The following ALOXE3 variants were observed in gnomAD, a reference collection of about 807,000 sequenced individuals.
ALOXE3 encodes arachidonate epidermal lipoxygenase 3.
ALOXE3 carries 78 observed loss-of-function variants against 87.5 expected under a neutral mutation model. That is an observed-to-expected ratio of 0.89 (90% CI 0.74 to 1.08). The LOEUF is 1.08. Among genes scored for constraint, ALOXE3 ranks in the 50% least tolerant of loss-of-function variants. The pLI is 0.00. For missense variants in ALOXE3, 946 were observed against 912.4 expected, an observed-to-expected ratio of 1.04 and a Z score of -0.47; for synonymous variants, 363 against 370.8, an observed-to-expected ratio of 0.98 and a Z score of 0.24.
At chr17:8,113,810 T>C (rs1291135440) in intron 6 of ALOXE3, among the ~76,000 whole-genome samples, 1 of 152,168 alleles carries the variant, frequency 6.6e-6, no homozygotes, top group Admixed American at 6.5e-5. Flanking sequence ...ATGGATCACC[T>C]GAGGTCGGGA....
chr17:8,107,668 G>A (rs1368333170), intron 13 of ALOXE3, among the ~76,000 whole-genome samples: 1 of 151,018 alleles, frequency 6.6e-6, no homozygotes, highest in Non-Finnish European at 1.5e-5. Flanking sequence ...GCGTGGTGGC[G>A]GGTGCCTGTA....
In ALOXE3 at chr17:8,115,562, G is replaced by A. The variant is rs1386191671; in HGVS notation, c.434+45C>T. The A allele has an allele frequency of 5.8e-6, 9 of 1,547,238 alleles. No individual in the cohort carries two copies. The South Asian group carries it at 6.7e-5, about 12-fold the overall frequency. On this transcript the variant is annotated intron_variant, in intron 4 of 15. Coordinates refer to ENST00000448843, the MANE Select transcript of ALOXE3 (RefSeq NM_021628.3). ...TAGGAACAATCTGATTAAGACTGAG[G>A]TCAGGATAAAGATGGGGAAAGAAGT...
At chr17:8,111,070 G>A (rs61248509) in intron 8 of ALOXE3, among the ~76,000 whole-genome samples, 7,468 of 152,216 alleles carry the variant, frequency 0.049, 609 homozygotes, top group African/African-American at 0.17. Context: ...TCTTCAGGAG[G>A]CCTCAAAACA....
chr17:8,110,418 G>A lies in ALOXE3; in HGVS notation c.1068C>T (p.Ser356=), dbSNP rs546195258. The A allele has an allele frequency of 6.2e-7, 1 of 1,611,158 alleles. No individual in the cohort carries two copies. Among genetic ancestry groups the A allele is most frequent in the South Asian group, 1.1e-5 (1 of 90,820 alleles). Reference sequence around the variant, plus strand: ...CCAAGGGCACCAGCGCCCCCTGGGGGCTGAGCCACAGCAGGCACAGTGGGG... The same window carrying A: ...CCAAGGGCACCAGCGCCCCCTGGGGACTGAGCCACAGCAGGCACAGTGGGG... The part of the protein sequence containing the change: ...VAAPLCLLWL[S]PQGALVPLAI... Residue 356 remains serine, a synonymous_variant, in exon 9 of 16, where the codon AGC becomes AGT. Transcript: ENST00000448843.
In ALOXE3 at chr17:8,109,943, C is replaced by A; in HGVS notation, c.1365G>T (p.Leu455=). ...GGTCCACGAGGCCCTCGGGGTTGAG[C>A]AGCGTGGCCCTCGCGATGGTGTTCA... is the stretch of plus-strand genomic sequence containing the variant. ...LQVNTIARAT[L]LNPEGLVDQV... Residue 455 remains leucine, a synonymous_variant, in exon 11 of 16, where the codon CTG becomes CTT. Coordinates refer to ENST00000448843, the MANE Select transcript of ALOXE3 (RefSeq NM_021628.3). The A allele has an allele frequency of 6.4e-7, 1 of 1,551,136 alleles. No homozygotes were observed. Among genetic ancestry groups the A allele is most frequent in the Non-Finnish European group, 8.7e-7 (1 of 1,146,766 alleles).
intron 2 of ALOXE3, 123 bp downstream of exon 2, chr17:8,117,721 G>A (rs1021161475): frequency 2.6e-6 from 4 of 1,526,016 alleles, no homozygotes; most frequent in Admixed American, 2.0e-5. Context: ...CAATAGGGAA[G>A]GTGAGGAGGT....
At chr17:8,118,352 C>A (rs1416549146) in intron 1 of ALOXE3, 49 bp from the exon 2 acceptor site, 1 of 1,551,628 alleles carries the variant, frequency 6.4e-7, no homozygotes, top group African/African-American at 1.4e-5. Flanking sequence ...GAGGTAACGC[C>A]TGTATAATTG....
intron 13 of ALOXE3, among the ~76,000 whole-genome samples, chr17:8,107,460 T>G (rs1012719042): frequency 1.3e-5 from 2 of 152,120 alleles, no homozygotes; most frequent in Non-Finnish European, 1.5e-5. Flanking sequence ...GAGGTTGCAG[T>G]AAGCCGAGAT....
At chr17:8,100,540 A>G (rs977638921) in intron 15 of ALOXE3, among the ~76,000 whole-genome samples, 4 of 152,184 alleles carry the variant, frequency 2.6e-5, no homozygotes, top group African/African-American at 7.2e-5. Flanking sequence ...TTTTTATTTT[A>G]TTGTATTGTG....
chr17:8,102,492 G>C (rs892798574), intron 15 of ALOXE3, among the ~76,000 whole-genome samples: 6 of 151,750 alleles, frequency 4.0e-5, no homozygotes, highest in African/African-American at 7.3e-5. Flanking sequence ...GACTCCATGT[G>C]GGGGGGTGGG....
At chr17:8,098,726 C>G (rs892384937) in intron 15 of ALOXE3, among the ~76,000 whole-genome samples, 2 of 152,072 alleles carry the variant, frequency 1.3e-5, no homozygotes, top group Admixed American at 6.6e-5. Context: ...ACCTTTCATT[C>G]CTTTCATTCC....
chr17:8,118,746 C>A (rs1429537497), upstream of ALOXE3: 7 of 1,537,306 alleles, frequency 4.6e-6, no homozygotes, highest in Non-Finnish European at 5.2e-6. Context: ...AATACAGCGC[C>A]GGCAAACAGG....
intron 5 of ALOXE3, 53 bp from the exon 6 acceptor site, chr17:8,114,662 C>T: frequency 6.2e-7 from 1 of 1,611,402 alleles, no homozygotes; most frequent in Non-Finnish European, 8.5e-7. Context: ...CCCTGAAGCC[C>T]AGCTGCTCAA....
intron 15 of ALOXE3, among the ~76,000 whole-genome samples, chr17:8,097,773 A>T (rs1978641688): frequency 6.9e-6 from 1 of 144,440 alleles, no homozygotes; most frequent in Admixed American, 7.1e-5. Flanking sequence ...TTTGAGACAG[A>T]GTCTCGCACT....
chr17:8,114,587 C>T lies in ALOXE3; in HGVS notation c.577G>A (p.Gly193Ser), dbSNP rs201049617. ...GDSSGNRYLP[G>S]FPMKIDIPSL... ...GGGATGTCAATTTTCATGGGGAAGC[C>T]GGGCAGGTACCGATTCCCACTGCTG... Residue 193 changes from glycine to serine, a missense_variant, in exon 6 of 16, where the codon GGC becomes AGC. By Grantham distance (56) the Gly-to-Ser change is moderately conservative. Coordinates refer to ENST00000448843, the MANE Select transcript of ALOXE3 (RefSeq NM_021628.3). 4.8e-5 allele frequency: 77 copies of T among 1,613,804 alleles called. No individual in the cohort carries two copies. Among genetic ancestry groups the T allele is most frequent in the South Asian group, 1.4e-4 (13 of 91,028 alleles).
At chr17:8,115,710 CT>C in intron 3 of ALOXE3, 22 bp from the exon 4 acceptor site, 1 of 1,602,620 alleles carries the variant, frequency 6.2e-7, no homozygotes, top group Non-Finnish European at 8.6e-7. Context: ...GAAAATTACT[CT>C]TGGTATAAGT....
chr17:8,116,201 C>A (rs893847813), intron 3 of ALOXE3, among the ~76,000 whole-genome samples: 1 of 152,196 alleles, frequency 6.6e-6, no homozygotes, highest in African/African-American at 2.4e-5. Flanking sequence ...GAGCCTCCTC[C>A]CAACACCCAG....
At chr17:8,102,436 T>G (rs193125525) in intron 15 of ALOXE3, among the ~76,000 whole-genome samples, 4 of 152,120 alleles carry the variant, frequency 2.6e-5, no homozygotes, top group Admixed American at 2.6e-4. Context: ...GAGGTTGCAG[T>G]GAGCTGATAT....
Position 8,118,014 on chromosome 17 carries a change from C to T in ALOXE3, c.-24G>A. On this transcript the variant is annotated 5_prime_UTR_variant, in exon 2 of 16. Transcript: ENST00000448843. Reference sequence around the variant, plus strand: ...ATGATGGGAAGGAGGAAGGGATGCCCCGGCAACGCTGGCCGCAGCAGCAGC... The same window carrying T: ...ATGATGGGAAGGAGGAAGGGATGCCTCGGCAACGCTGGCCGCAGCAGCAGC... 1 of 1,607,924 alleles carries T rather than the reference C, an allele frequency of 6.2e-7. No homozygotes were observed. The highest frequency in any genetic ancestry group is 8.5e-7 in the Non-Finnish European group (1 of 1,179,042).
Sources: gnomAD v4.1 joint callset for allele counts (sites outside exome capture counted in the v4.1 genomes callset) on GRCh38, gnomAD v4.1.1 for gene constraint, MANE v1.5 for transcripts, NCBI Gene and HGNC (gene_info 2026-07-23, HGNC 2026-07-21) for gene names.